Variants in NCOA2 observed in about 807,000 individuals in gnomAD.
NCOA2 encodes nuclear receptor coactivator 2.
NCOA2 carries 21 observed loss-of-function variants against 145.1 expected under a neutral mutation model. The observed-to-expected ratio is 0.14, with a 90% confidence interval of 0.10 to 0.21. The LOEUF (loss-of-function observed/expected upper bound fraction) is 0.21, where lower values mean the gene tolerates loss of function less well. Ranked by LOEUF, NCOA2 falls within the 10% of genes least tolerant of loss-of-function variation. The pLI, the probability that NCOA2 is intolerant of heterozygous loss-of-function variation, is 1.00. For synonymous variants in NCOA2, 619 were observed against 637.5 expected, an observed-to-expected ratio of 0.97 and a Z score of 0.44; for missense variants, 1,472 against 1,837.6, an observed-to-expected ratio of 0.80 and a Z score of 3.64.
At chr8:70,351,450 T>C (rs1809199290) in intron 1 of NCOA2, among the ~76,000 whole-genome samples, 1 of 152,152 alleles carries the variant, frequency 6.6e-6, no homozygotes, top group Non-Finnish European at 1.5e-5. Context: ...CTATAAAGAT[T>C]CCATCTAAAC....
At chr8:70,221,907 A>G (rs1045031595) in intron 2 of NCOA2, among the ~76,000 whole-genome samples, 3 of 152,170 alleles carry the variant, frequency 2.0e-5, no homozygotes, top group African/African-American at 7.2e-5. Context: ...ACATGACACA[A>G]TATTTTTAAA....
chr8:70,426,353 G>A, the NCOA2 span, among the ~76,000 whole-genome samples: 8 of 152,174 alleles, frequency 5.3e-5, no homozygotes, highest in Non-Finnish European at 1.2e-4. Flanking sequence ...CAACAGATCA[G>A]TGTGATTAAT....
intron 1 of NCOA2, among the ~76,000 whole-genome samples, chr8:70,368,794 C>T (rs555338423): frequency 1.3e-5 from 2 of 152,258 alleles, no homozygotes; most frequent in African/African-American, 4.8e-5. Context: ...CGTAAGGGTG[C>T]CCTTTGGGTA....
At chr8:70,429,987 G>T in the NCOA2 span, among the ~76,000 whole-genome samples, 1 of 152,048 alleles carries the variant, frequency 6.6e-6, no homozygotes, top group East Asian at 1.9e-4. Flanking sequence ...CGAGCAGCAG[G>T]GATTACAGGA....
At chr8:70,342,814 CACACACAT>C (rs1320048526) in intron 1 of NCOA2, among the ~76,000 whole-genome samples, 54 of 145,398 alleles carry the variant, frequency 3.7e-4, no homozygotes, top group Admixed American at 1.0e-3. Context: ...CACACACACA[CACACACAT>C]CCCTACATGG....
chr8:70,369,987 G>A (rs903588585), intron 1 of NCOA2, among the ~76,000 whole-genome samples: 1 of 151,856 alleles, frequency 6.6e-6, no homozygotes, highest in Non-Finnish European at 1.5e-5. Context: ...CTAGGCTCAT[G>A]CAATCCTCCA....
At chr8:70,255,075 A>G (rs957689623) in intron 2 of NCOA2, among the ~76,000 whole-genome samples, 5 of 152,204 alleles carry the variant, frequency 3.3e-5, no homozygotes, top group East Asian at 1.9e-4. Context: ...TTATACCTCA[A>G]TGGTTAAACT....
chr8:70,177,397 C>A (rs1026455340), intron 4 of NCOA2, among the ~76,000 whole-genome samples: 2 of 152,156 alleles, frequency 1.3e-5, no homozygotes, highest in African/African-American at 4.8e-5. Flanking sequence ...ATAGCACCGT[C>A]CCTATTTCAG....
chr8:70,152,427 T>C (rs1401278184), intron 11 of NCOA2, among the ~76,000 whole-genome samples: 2 of 152,238 alleles, frequency 1.3e-5, no homozygotes, highest in African/African-American at 2.4e-5. Flanking sequence ...TGTTAAGAAA[T>C]GGTAATACAA....
At chr8:70,201,767 G>A (rs137893416) in intron 4 of NCOA2, among the ~76,000 whole-genome samples, 6 of 152,248 alleles carry the variant, frequency 3.9e-5, no homozygotes, top group African/African-American at 4.8e-5. Context: ...GAAGTCTAAC[G>A]TAGCAAAAAG....
chr8:70,401,983 G>A (rs1172107423), intron 1 of NCOA2: 1 of 152,252 alleles, frequency 6.6e-6, no homozygotes, highest in Non-Finnish European at 1.5e-5. Flanking sequence ...CAGCCTCTGC[G>A]GGTCGGAGCC....
chr8:70,250,499 G>A (rs1323337608), intron 2 of NCOA2, among the ~76,000 whole-genome samples: 4 of 151,870 alleles, frequency 2.6e-5, no homozygotes, highest in African/African-American at 9.7e-5. Context: ...GAGCCCAGGA[G>A]GCAGAGGATG....
At position 70,403,315 on chromosome 8, in the gene NCOA2, G is replaced by A. The variant is rs1433477976; in HGVS notation, c.-77+385C>T. Reference sequence around the variant, plus strand: ...GGCGGGGGCCGCGCCCGCACCCCCGGCCGCGCCTCGGCGCTCACCTCTCGC... The same window carrying A: ...GGCGGGGGCCGCGCCCGCACCCCCGACCGCGCCTCGGCGCTCACCTCTCGC... On this transcript the variant is annotated intron_variant, in intron 1 of 22. Coordinates refer to ENST00000452400, the MANE Select transcript of NCOA2 (RefSeq NM_006540.4). Among the ~76,000 whole-genome samples, 3 of 151,118 alleles carry A rather than the reference G, an allele frequency of 2.0e-5. No homozygotes were observed. In the East Asian group the frequency reaches 5.9e-4, roughly 30 times the overall value.
At chr8:70,196,933 G>A (rs1047251330) in intron 4 of NCOA2, among the ~76,000 whole-genome samples, 1 of 152,134 alleles carries the variant, frequency 6.6e-6, no homozygotes, top group Non-Finnish European at 1.5e-5. Flanking sequence ...CTGTTTTTGT[G>A]TATCAGTTTC....
At chr8:70,249,176 T>C (rs967000656) in intron 2 of NCOA2, among the ~76,000 whole-genome samples, 2 of 152,114 alleles carry the variant, frequency 1.3e-5, no homozygotes, top group African/African-American at 4.8e-5. Context: ...GTGTACCCGA[T>C]GGGGCAGGCT....
intron 12 of NCOA2, among the ~76,000 whole-genome samples, chr8:70,146,075 T>C (rs1811033792): frequency 6.6e-6 from 1 of 152,232 alleles, no homozygotes; most frequent in Non-Finnish European, 1.5e-5. Context: ...AACCTATACA[T>C]ACATGGTTTG....
chr8:70,419,386 ATGC>A, the NCOA2 span, among the ~76,000 whole-genome samples: 122 of 152,154 alleles, frequency 8.0e-4, no homozygotes, highest in Non-Finnish European at 1.3e-3. Flanking sequence ...TTTAAGTACT[ATGC>A]TATTATGCAT....
At chr8:70,436,772 C>T in the NCOA2 span, among the ~76,000 whole-genome samples, 1 of 152,188 alleles carries the variant, frequency 6.6e-6, no homozygotes, top group Admixed American at 6.5e-5. Flanking sequence ...AATAAACTCA[C>T]AACCCTGACA....
intron 4 of NCOA2, among the ~76,000 whole-genome samples, chr8:70,183,945 G>C (rs913779392): frequency 5.9e-5 from 9 of 152,118 alleles, no homozygotes; most frequent in African/African-American, 1.2e-4. Context: ...TTCACAGCTG[G>C]AGCTAAAATT....
Sources: allele counts gnomAD v4.1 joint callset (sites outside exome capture counted in the v4.1 genomes callset), GRCh38; gene constraint gnomAD v4.1.1; transcripts MANE v1.5; gene names NCBI Gene and HGNC (gene_info 2026-07-23, HGNC 2026-07-21).